VPS33A: variants seen among roughly 807,000 people sequenced by gnomAD.
VPS33A encodes VPS33A core subunit of CORVET and HOPS complexes.
In VPS33A, 32 loss-of-function variants were observed where a neutral mutation model predicts 71.8. The observed-to-expected ratio is 0.45, with a 90% CI of 0.34 to 0.60. VPS33A has a LOEUF of 0.60. Among genes scored for constraint, VPS33A ranks in the 20% least tolerant of loss-of-function variants. VPS33A has a pLI of 0.02. For missense variants in VPS33A, 625 were observed against 748.5 expected, an observed-to-expected ratio of 0.84 and a Z score of 1.92; for synonymous variants, 311 against 292.7, an observed-to-expected ratio of 1.06 and a Z score of -0.64.
At chr12:122,235,453 T>C (rs964480445) in intron 11 of VPS33A, among the ~76,000 whole-genome samples, 2 of 151,898 alleles carry the variant, frequency 1.3e-5, no homozygotes, top group African/African-American at 2.4e-5. Context: ...TTAGTAGAGA[T>C]GGGGTTTCCC....
chr12:122,234,277 CCTTTTT>C (rs1257660219), intron 11 of VPS33A, among the ~76,000 whole-genome samples: 2 of 152,030 alleles, frequency 1.3e-5, no homozygotes, highest in African/African-American at 4.8e-5. Context: ...TTTTTTTTTC[CCTTTTT>C]CTTTTTCTTT....
At chr12:122,247,058 G>C (rs1009527453) in intron 6 of VPS33A, among the ~76,000 whole-genome samples, 1 of 152,164 alleles carries the variant, frequency 6.6e-6, no homozygotes, top group African/African-American at 2.4e-5. Flanking sequence ...AAAAGACTAG[G>C]AAATAATACC....
chr12:122,242,416 A>G lies in VPS33A; in HGVS notation c.1062T>C (p.His354=), dbSNP rs1465965017. The change falls in exon 8 of 13, where the codon CAT becomes CAC. Residue 354 remains histidine, a synonymous_variant. Transcript: ENST00000267199. ...CTTTGATCAATTCTGCAATTGAGGT[A>G]TGGTTTGCAAGCGAGCCCCTTGCTG... ...MQAARGSLAN[H]TSIAELIKDV... 3 of 1,614,010 alleles carry G rather than the reference A, an allele frequency of 1.9e-6. No individual in the cohort carries two copies. Among genetic ancestry groups the G allele is most frequent in the Non-Finnish European group, 2.5e-6 (3 of 1,179,994 alleles).
chr12:122,266,328 C>T lies in VPS33A; in HGVS notation c.81G>A (p.Leu27=), dbSNP rs1438427657. The T allele has an allele frequency of 1.2e-6, 2 of 1,613,076 alleles. No homozygotes were observed. The highest frequency in any genetic ancestry group is 1.7e-6 in the Non-Finnish European group (2 of 1,179,982). ...EAVRRELREF[L]DKCAGSKAIV... ...TCACCTTGCTTCCTGCGCACTTGTC[C>T]AGGAACTCGCGCAGCTCGCGACGCA... is the stretch of plus-strand genomic sequence containing the variant. Residue 27 remains leucine (L), a synonymous_variant, in exon 1 of 13, where the codon CTG becomes CTA. Coordinates refer to ENST00000267199, the MANE Select transcript of VPS33A (RefSeq NM_022916.6).
chr12:122,239,385 G>A (rs1286882224), intron 9 of VPS33A, among the ~76,000 whole-genome samples: 1 of 151,766 alleles, frequency 6.6e-6, no homozygotes, highest in Non-Finnish European at 1.5e-5. Flanking sequence ...ACAGAATAAT[G>A]TTAAATATCT....
intron 6 of VPS33A, 144 bp from the exon 7 acceptor site, chr12:122,244,906 T>C (rs1474426631): frequency 2.6e-6 from 2 of 767,940 alleles, no homozygotes; most frequent in African/African-American, 1.8e-5. Context: ...TGATTTTCCA[T>C]GATCAAAGTA....
At chr12:122,238,855 G>T in intron 9 of VPS33A, 131 bp from the exon 10 acceptor site, 1 of 1,037,942 alleles carries the variant, frequency 9.6e-7, no homozygotes. Flanking sequence ...ATTTTTCAAA[G>T]TCCAATAAAG....
chr12:122,240,653 G>A (rs941188233), intron 8 of VPS33A, among the ~76,000 whole-genome samples: 1 of 152,258 alleles, frequency 6.6e-6, no homozygotes, highest in South Asian at 2.1e-4. Flanking sequence ...CTTAAGATTC[G>A]AAGTATACTT....
chr12:122,242,492 T>C lies in VPS33A; in HGVS notation c.986A>G (p.Lys329Arg). Residue 329 changes from lysine to arginine, a missense_variant, in exon 8 of 13, where the codon AAG becomes AGG. Physicochemically the swap from Lys to Arg is conservative, Grantham distance 26. Coordinates refer to ENST00000267199, the MANE Select transcript of VPS33A (RefSeq NM_022916.6). ...AAACTGCTTGATCTCCCCCACGGTC[T>C]TAGCATTGTGTCTTTCCTGAAATAA... is the stretch of plus-strand genomic sequence containing the variant. ...SAAFEERHNA[K>R]TVGEIKQFVS... 2 of 1,612,658 alleles carry C rather than the reference T, an allele frequency of 1.2e-6. No homozygotes were observed. The highest frequency in any genetic ancestry group is 1.7e-5 in the Admixed American group (1 of 59,938).
chr12:122,250,249 A>G, intron 5 of VPS33A: 1 of 543,388 alleles, frequency 1.8e-6, no homozygotes, highest in Middle Eastern at 4.9e-4. Context: ...CCATTTGCCA[A>G]TGAGGCATAA....
rs188489202 is a variant in VPS33A at position 122,261,180 on chromosome 12, C to T, written c.483+81G>A. The T allele has an allele frequency of 6.1e-5, 71 of 1,172,866 alleles. No individual in the cohort carries two copies. The African/African-American group carries it at 1.0e-3, about 17-fold the overall frequency. The allele number at this position is 1,172,866 out of a possible 1,614,324, so 72.7% of individuals were successfully genotyped here. On this transcript the variant is annotated intron_variant, in intron 4 of 12. Transcript: ENST00000267199. ...ACATATAAAATGGGACTCAGCTTCA[C>T]AGTAATCAGTACTGTGGTATGCTCA... is the stretch of plus-strand genomic sequence containing the variant.
At position 122,240,530 on chromosome 12, in the gene VPS33A, G is replaced by A. The variant is rs535253838; in HGVS notation, c.1097-585C>T. Among the ~76,000 whole-genome samples the A allele has an allele frequency of 3.8e-4, 58 of 152,260 alleles. 2 individuals are homozygous for A. In the South Asian group the frequency reaches 0.011, roughly 30 times the overall value. On this transcript the variant is annotated intron_variant, in intron 8 of 12. Transcript: ENST00000267199. ...AGAATGAGCGTCAGTATGAATGAAA[G>A]CTAATTTCTCAAGAACATTTCATTT... is the stretch of plus-strand genomic sequence containing the variant.
In VPS33A at chr12:122,263,610, C is replaced by A. The variant is rs1483192019; in HGVS notation, c.258G>T (p.Arg86Ser). The A allele has an allele frequency of 6.2e-7, 1 of 1,613,240 alleles. No homozygotes were observed. Among genetic ancestry groups the A allele is most frequent in the Admixed American group, 1.7e-5 (1 of 59,934 alleles). ...CAGCGATTATATCCATCAACTCTAG[C>A]CTGGGTCTGACAAAAAAAATTATAT... The part of the protein sequence containing the change: ...VKNIIFFVRP[R>S]LELMDIIAEN... The change falls in exon 3 of 13, where the codon AGG (arginine) becomes AGT (serine). Residue 86 changes from arginine (R) to serine (S), a missense_variant. Coordinates refer to ENST00000267199, the MANE Select transcript of VPS33A (RefSeq NM_022916.6).
At chr12:122,264,337 AAATAAT>A (rs1453899684) in intron 1 of VPS33A, 138 bp from the exon 2 acceptor site, 2 of 534,844 alleles carry the variant, frequency 3.7e-6, no homozygotes, top group Admixed American at 3.4e-5. Flanking sequence ...TACAAAATTA[AAATAAT>A]AATAATACAT....
At chr12:122,251,180 C>G (rs1293308000) in intron 4 of VPS33A, 81 bp from the exon 5 acceptor site, 1 of 888,830 alleles carries the variant, frequency 1.1e-6, no homozygotes, top group African/African-American at 1.7e-5. Flanking sequence ...TGGGGTGCAG[C>G]GACAGACAAT....
intron 9 of VPS33A, among the ~76,000 whole-genome samples, chr12:122,239,606 C>T (rs766474644): frequency 9.2e-5 from 14 of 151,830 alleles, no homozygotes; most frequent in East Asian, 1.9e-4. Context: ...TGGTGGTGAG[C>T]GCCTGTAGTC....
Position 122,249,966 on chromosome 12 carries a change from A to C in VPS33A, c.680T>G (p.Leu227Arg), listed in dbSNP as rs1954822112. The change falls in exon 6 of 13, where the codon CTC becomes CGC. Residue 227 changes from leucine (L) to arginine (R), a missense_variant. Physicochemically the swap from Leu to Arg is moderately radical, Grantham distance 102. Coordinates refer to ENST00000267199, the MANE Select transcript of VPS33A (RefSeq NM_022916.6). ...QNSIFPVFDN[L>R]LLLDRNVDLL... Reference sequence around the variant, plus strand: ...ATCCACATTCCGATCAAGCAACAAGAGATTATCAAAAACAGGAAATATTGA... The same window carrying C: ...ATCCACATTCCGATCAAGCAACAAGCGATTATCAAAAACAGGAAATATTGA... 1 of 1,614,016 alleles carries C rather than the reference A, an allele frequency of 6.2e-7. No homozygotes were observed. Among genetic ancestry groups the C allele is most frequent in the African/African-American group, 1.3e-5 (1 of 74,922 alleles).
At chr12:122,241,620 G>A (rs1255554894) in intron 8 of VPS33A, among the ~76,000 whole-genome samples, 3 of 150,130 alleles carry the variant, frequency 2.0e-5, no homozygotes, top group African/African-American at 7.3e-5. Context: ...TTTTTTTAAT[G>A]GAGTCTCGCT....
chr12:122,233,994 T>C (rs997503245), intron 11 of VPS33A, among the ~76,000 whole-genome samples: 4 of 152,194 alleles, frequency 2.6e-5, no homozygotes, highest in African/African-American at 7.2e-5. Context: ...TGTCTAGTTA[T>C]GAGCTTTTGT....
Sources: allele counts gnomAD v4.1 joint callset (sites outside exome capture counted in the v4.1 genomes callset), GRCh38; gene constraint gnomAD v4.1.1; transcripts MANE v1.5; gene names NCBI Gene and HGNC (gene_info 2026-07-23, HGNC 2026-07-21).